GCNT4: variants seen among roughly 807,000 people sequenced by gnomAD.
GCNT4 encodes the protein glucosaminyl (N-acetyl) transferase 4.
A neutral mutation model predicts 31.3 loss-of-function variants in GCNT4; 17 were observed. The ratio of observed to expected loss-of-function variants is 0.54; its 90% CI spans 0.37 to 0.81. The LOEUF is 0.81. Among genes scored for constraint, GCNT4 ranks in the 40% least tolerant of loss-of-function variants. GCNT4 has a pLI of 0.00. For synonymous variants in GCNT4, 158 were observed against 190.6 expected (o/e 0.83, Z 1.41); for missense variants, 503 against 525.5 (o/e 0.96, Z 0.42).
At chr5:75,017,716 C>G in the GCNT4 span, among the ~76,000 whole-genome samples, 10 of 152,172 alleles carry the variant, frequency 6.6e-5, no homozygotes, top group African/African-American at 2.4e-4. Flanking sequence ...AGGACCTCCA[C>G]TTTCCCGTGA....
chr5:75,053,589 C>A (rs1231770372), upstream of GCNT4, among the ~76,000 whole-genome samples: 2 of 152,224 alleles, frequency 1.3e-5, no homozygotes, highest in East Asian at 3.9e-4. Context: ...CCGAGGGTTG[C>A]GCTCTGGGTT....
rs759590354 is a variant in GCNT4 at position 75,029,440 on chromosome 5, T to C, written c.598A>G (p.Ile200Val). 3 of 1,614,028 alleles carry C rather than the reference T, an allele frequency of 1.9e-6. No individual in the cohort carries two copies. In the African/African-American group the frequency reaches 4.0e-5, roughly 22 times the overall value. The change falls in exon 4 of 4, where the codon ATT becomes GTT. Residue 200 changes from isoleucine to valine, a missense_variant. Transcript: ENST00000652361. ...TTTAAATCAGCCTGGAGTCTGGAAATGTGGGCATATTCCACAGCCTCTAAT... is the reference window on the plus strand; with the variant it reads ...TTTAAATCAGCCTGGAGTCTGGAAACGTGGGCATATTCCACAGCCTCTAAT... ...SKLEAVEYAHISRLQADLNCL... is the reference protein window; with the variant it reads ...SKLEAVEYAHVSRLQADLNCL...
chr5:75,046,778 T>A (rs1743447651), intron 3 of GCNT4, among the ~76,000 whole-genome samples: 1 of 151,306 alleles, frequency 6.6e-6, no homozygotes, highest in Non-Finnish European at 1.5e-5. Flanking sequence ...GGGGAAGGAG[T>A]TAAAAATAGG....
chr5:75,017,734 G>A, the GCNT4 span, among the ~76,000 whole-genome samples: 191 of 152,190 alleles, frequency 1.3e-3, 3 homozygotes, highest in East Asian at 0.03. Flanking sequence ...TGACCATGCC[G>A]CACCTTCCGC....
At chr5:75,040,965 A>G (rs1743303116) in intron 3 of GCNT4, among the ~76,000 whole-genome samples, 1 of 152,196 alleles carries the variant, frequency 6.6e-6, no homozygotes, top group African/African-American at 2.4e-5. Context: ...AGTATGCTCG[A>G]TATTTTTCAA....
intron 2 of GCNT4, among the ~76,000 whole-genome samples, chr5:75,050,690 A>G (rs1013540239): frequency 6.6e-5 from 10 of 151,952 alleles, no homozygotes; most frequent in Admixed American, 3.3e-4. Context: ...CCAGCACCCA[A>G]GCTTAGAGGG....
downstream of GCNT4, among the ~76,000 whole-genome samples, chr5:75,024,934 G>C (rs567562638): frequency 3.0e-5 from 4 of 132,278 alleles, 1 homozygote; most frequent in South Asian, 1.1e-3. Context: ...CTGGGTGACA[G>C]TGCGAGACTC....
At chr5:75,033,557 C>T (rs1473227675) in intron 3 of GCNT4, among the ~76,000 whole-genome samples, 1 of 152,098 alleles carries the variant, frequency 6.6e-6, no homozygotes, top group African/African-American at 2.4e-5. Flanking sequence ...TTGGGGTCAG[C>T]CTTTGATATC....
rs746170311 is a variant in GCNT4 at position 75,029,693 on chromosome 5, A to C, written c.345T>G (p.Thr115=). Residue 115 remains threonine, a synonymous_variant, in exon 4 of 4, where the codon ACT becomes ACG. Coordinates refer to ENST00000652361, the MANE Select transcript of GCNT4 (RefSeq NM_001366737.1). ...AMTSDCDIYQ[T]LRGYAQKLVS... Reference sequence around the variant, plus strand: ...CAAGCTTTTGAGCATAACCTCTTAGAGTCTGATAAATGTCACAATCACTGG... The same window carrying C: ...CAAGCTTTTGAGCATAACCTCTTAGCGTCTGATAAATGTCACAATCACTGG... The C allele has an allele frequency of 4.9e-5, 79 of 1,614,034 alleles. No homozygotes were observed. The highest frequency in any genetic ancestry group is 6.5e-5 in the Non-Finnish European group (77 of 1,180,034).
At chr5:75,053,479 C>A (rs781172175), upstream of GCNT4, among the ~76,000 whole-genome samples, 1 of 152,086 alleles carries the variant, frequency 6.6e-6, no homozygotes, top group Non-Finnish European at 1.5e-5. Context: ...CAGCCCCGGG[C>A]GACCCTCGCT....
At chr5:75,051,423 C>A (rs1182795784) in intron 2 of GCNT4, among the ~76,000 whole-genome samples, 1 of 152,214 alleles carries the variant, frequency 6.6e-6, no homozygotes, top group Non-Finnish European at 1.5e-5. Flanking sequence ...GCTTTCTTCC[C>A]GCCTTGTAGC....
rs201421231 is a variant in GCNT4 at position 75,026,647 on chromosome 5, C to T, written c.*2029G>A. ...CATATACTATTTCAATCGATTCTCA[C>T]AAAAAAAAAAAAAAAAAAAAAAAAA... On this transcript the variant is annotated 3_prime_UTR_variant, in exon 4 of 4. Coordinates refer to ENST00000652361, the MANE Select transcript of GCNT4 (RefSeq NM_001366737.1). The T allele has an allele frequency of 1.5e-5, 1 of 65,804 alleles. No individual in the cohort carries two copies. The highest frequency in any genetic ancestry group is 5.2e-5 in the African/African-American group (1 of 19,176). The allele number at this position is 65,804 out of a possible 1,614,324, so 4.1% of individuals were successfully genotyped here.
rs1332739073 is a variant in GCNT4 at position 75,039,759 on chromosome 5, C to A, written c.-2+8138G>T. Among the ~76,000 whole-genome samples, 6 of 152,262 alleles carry A rather than the reference C, an allele frequency of 3.9e-5. No homozygotes were observed. In the South Asian group the frequency reaches 1.0e-3, roughly 26 times the overall value. On this transcript the variant is annotated intron_variant, in intron 3 of 3. Coordinates refer to ENST00000652361, the MANE Select transcript of GCNT4 (RefSeq NM_001366737.1). ...GCTAGCATCAACTCTTGCCTAGATA[C>A]AAAATAACCTTACCTGGCTTCCCTT...
chr5:75,032,209 C>T (rs1008030508), intron 3 of GCNT4, among the ~76,000 whole-genome samples: 5 of 152,138 alleles, frequency 3.3e-5, no homozygotes, highest in Non-Finnish European at 7.4e-5. Context: ...ATCCTCTGCT[C>T]ACTTCTCTTC....
At chr5:75,022,660 T>G (rs947019325), downstream of GCNT4, among the ~76,000 whole-genome samples, 1 of 152,186 alleles carries the variant, frequency 6.6e-6, no homozygotes, top group African/African-American at 2.4e-5. Flanking sequence ...AAAACCAGTG[T>G]CCTAGACAAA....
chr5:75,019,136 G>A, the GCNT4 span, among the ~76,000 whole-genome samples: 1 of 152,196 alleles, frequency 6.6e-6, no homozygotes, highest in African/African-American at 2.4e-5. Context: ...GCCTTTGAGA[G>A]GCAATTAGGT....
rs560289365 is a variant in GCNT4 at position 75,027,685 on chromosome 5, A to G, written c.*991T>C. On this transcript the variant is annotated 3_prime_UTR_variant, in exon 4 of 4. Coordinates refer to ENST00000652361, the MANE Select transcript of GCNT4 (RefSeq NM_001366737.1). ...ATACAAATTAATTTAGAAAGCTGTC[A>G]TATTTCACACAACCTTTTGAAGAAA... 6.6e-6 allele frequency: 1 copy of G among 152,566 alleles called. No homozygotes were observed. Among genetic ancestry groups the G allele is most frequent in the African/African-American group, 2.4e-5 (1 of 41,520 alleles). 9.5% of individuals were successfully genotyped at this position (152,566 alleles called of 1,614,324 possible).
chr5:75,029,747 G>A lies in GCNT4; in HGVS notation c.291C>T (p.Asp97=), dbSNP rs1743021437. Residue 97 remains aspartate (D), a synonymous_variant, in exon 4 of 4, where the codon GAC becomes GAT. Transcript: ENST00000652361. ...TTGCCACAACATCATCATCCTCCAA[G>A]TCAATGATGTCCCTTCTTCTTATTT... The part of the protein sequence containing the change: ...SLEIRRRDII[D]LEDDDVVAMT... 5 of 1,614,094 alleles carry A rather than the reference G, an allele frequency of 3.1e-6. No homozygotes were observed. Among genetic ancestry groups the A allele is most frequent in the Non-Finnish European group, 4.2e-6 (5 of 1,180,024 alleles).
Position 75,029,922 on chromosome 5 carries a change from G to A in GCNT4, c.116C>T (p.Pro39Leu), listed in dbSNP as rs539528423. The A allele has an allele frequency of 3.0e-5, 48 of 1,614,016 alleles. No homozygotes were observed. The African/African-American group carries it at 3.7e-4, about 13-fold the overall frequency. The change falls in exon 4 of 4, where the codon CCG becomes CTG. Residue 39 changes from proline to leucine, a missense_variant. Transcript: ENST00000652361. ...LKLLNVRRLF[P>L]QKDIYLVEYS... The stretch of plus-strand genomic sequence containing the variant: ...CTCAACCAAGTAAATGTCTTTTTGC[G>A]GAAAGAGTCGTCTCACATTTAGAAG...
Sources: allele counts gnomAD v4.1 joint callset (sites outside exome capture counted in the v4.1 genomes callset), GRCh38; gene constraint gnomAD v4.1.1; transcripts MANE v1.5; gene names NCBI Gene and HGNC (gene_info 2026-07-23, HGNC 2026-07-21).